GSE1: variants seen among roughly 807,000 people sequenced by gnomAD.
GSE1 encodes the protein Gse1 coiled-coil protein, also known as genetic suppressor element 1.
In GSE1, 32 loss-of-function variants were observed where a neutral mutation model predicts 112.6. That is an observed-to-expected ratio of 0.28 (90% CI 0.21 to 0.38). The LOEUF is 0.38. GSE1 is among the 10% of genes least tolerant of loss of function. GSE1 has a pLI of 1.00. For synonymous variants in GSE1, 1,115 were observed against 735.6 expected (o/e 1.52, Z -8.35); for missense variants, 2,348 against 1,699.2 (o/e 1.38, Z -6.71).
At chr16:85,501,027 A>G (rs1597973047) in intron 2 of GSE1, among the ~76,000 whole-genome samples, 1 of 67,538 alleles carries the variant, frequency 1.5e-5, no homozygotes, top group Non-Finnish European at 2.5e-5. Context: ...TTTTTTTGAG[A>G]CGGAGTCTCA....
chr16:85,647,799 A>C (rs183751562), intron 2 of GSE1, among the ~76,000 whole-genome samples: 140 of 152,170 alleles, frequency 9.2e-4, no homozygotes, highest in African/African-American at 3.0e-3. Context: ...GTTGGCCAGG[A>C]TGGTCTCGAA....
Position 85,671,059 on chromosome 16 carries a change from C to T in GSE1, c.3480C>T (p.Ser1160=). 6.2e-7 allele frequency: 1 copy of T among 1,611,856 alleles called. No individual in the cohort carries two copies. Among genetic ancestry groups the T allele is most frequent in the East Asian group, 2.2e-5 (1 of 44,858 alleles). Residue 1160 remains serine (S), a synonymous_variant, in exon 15 of 16, where the codon AGC becomes AGT. Coordinates refer to ENST00000253458, the MANE Select transcript of GSE1 (RefSeq NM_014615.5). ...GACGACTGGAGGCCCGGCACTACAG[C>T]CTCAGCCTGACGGCAGAGCAGCTCT... is the stretch of plus-strand genomic sequence containing the variant. ...QCRRLEARHY[S]LSLTAEQLSH...
At chr16:85,383,155 C>T (rs888901925) in intron 2 of GSE1, among the ~76,000 whole-genome samples, 6 of 151,906 alleles carry the variant, frequency 3.9e-5, no homozygotes, top group African/African-American at 1.2e-4. Flanking sequence ...CCCATATATA[C>T]AGTAGACACC....
chr16:85,536,743 C>CT (rs1178309673), intron 2 of GSE1, among the ~76,000 whole-genome samples: 2 of 152,194 alleles, frequency 1.3e-5, no homozygotes, highest in East Asian at 1.9e-4. Context: ...GTTCCCGTCT[C>CT]TGAGGGGTGA....
At chr16:85,174,534 TC>T (rs2074422261) in intron 1 of GSE1, among the ~76,000 whole-genome samples, 1 of 152,194 alleles carries the variant, frequency 6.6e-6, no homozygotes, top group African/African-American at 2.4e-5. Context: ...TCCCTCCCCC[TC>T]CTTCCCATTC....
At chr16:85,455,798 G>T (rs1355363244) in intron 2 of GSE1, among the ~76,000 whole-genome samples, 1 of 152,216 alleles carries the variant, frequency 6.6e-6, no homozygotes, top group Non-Finnish European at 1.5e-5. Context: ...GCAGCTGTCT[G>T]GGGGTGAAAG....
rs917046765 is a variant in GSE1 at position 85,673,560 on chromosome 16, TAAAG to T, written c.*1024_*1027del. On this transcript the variant is annotated 3_prime_UTR_variant, in exon 16 of 16. Transcript: ENST00000253458. Reference sequence around the variant, plus strand: ...AAAATATTGAAGTGTTTTTAAAAATTAAAGAAGAAGAAAAGTAAAAGAGCTTACC... The same window carrying T: ...AAAATATTGAAGTGTTTTTAAAAATTAAGAAGAAAAGTAAAAGAGCTTACC... 7.9e-5 allele frequency: 12 copies of T among 152,262 alleles called. No individual in the cohort carries two copies. Among genetic ancestry groups the T allele is most frequent in the African/African-American group, 2.4e-4 (10 of 41,392 alleles). The allele number at this position is 152,262 out of a possible 1,614,324, so 9.4% of individuals were successfully genotyped here.
chr16:85,499,338 T>C lies in GSE1; in HGVS notation c.2465-134576T>C, dbSNP rs1294638228. On this transcript the variant is annotated intron_variant, in intron 2 of 2. Coordinates refer to the GSE1 transcript ENST00000637419. Reference sequence around the variant, plus strand: ...TTTTTTTTTTTTTTTTGAGACAGAGTCTCACTCAGTCGCCTAGGCCGGAGT... The same window carrying C: ...TTTTTTTTTTTTTTTTGAGACAGAGCCTCACTCAGTCGCCTAGGCCGGAGT... Among the ~76,000 whole-genome samples the C allele has an allele frequency of 6.8e-5, 8 of 118,016 alleles. No individual in the cohort carries two copies. The Admixed American group carries it at 7.5e-4, about 11-fold the overall frequency. 77.4% of individuals were successfully genotyped at this position (118,016 alleles called of 152,430 possible).
At chr16:85,624,712 G>A (rs1025634934) in intron 1 of GSE1, among the ~76,000 whole-genome samples, 4 of 152,200 alleles carry the variant, frequency 2.6e-5, no homozygotes, top group African/African-American at 9.6e-5. Flanking sequence ...GGCTGGGAGT[G>A]AGCATCCCAC....
chr16:85,234,829 C>T (rs1904425550), intron 1 of GSE1, among the ~76,000 whole-genome samples: 1 of 151,996 alleles, frequency 6.6e-6, no homozygotes, highest in Non-Finnish European at 1.5e-5. Flanking sequence ...GAGCCGCGGC[C>T]GCCAGCGAAT....
intron 1 of GSE1, among the ~76,000 whole-genome samples, chr16:85,193,078 C>T (rs1483949741): frequency 2.0e-5 from 3 of 152,124 alleles, no homozygotes; most frequent in Non-Finnish European, 4.4e-5. Flanking sequence ...CCATAGGGAG[C>T]CCTCTGGTTA....
chr16:85,262,237 G>T (rs913906997), intron 1 of GSE1, among the ~76,000 whole-genome samples: 1 of 152,236 alleles, frequency 6.6e-6, no homozygotes, highest in Non-Finnish European at 1.5e-5. Flanking sequence ...GAGAGTGTCA[G>T]AGGCAATCTG....
chr16:85,273,015 A>G (rs1282997417), intron 1 of GSE1, among the ~76,000 whole-genome samples: 1 of 152,154 alleles, frequency 6.6e-6, no homozygotes, highest in African/African-American at 2.4e-5. Flanking sequence ...ACCTCAGGTG[A>G]TCTGCCCGCC....
At chr16:85,324,636 T>G (rs1216188673) in intron 1 of GSE1, among the ~76,000 whole-genome samples, 1 of 152,108 alleles carries the variant, frequency 6.6e-6, no homozygotes, top group Non-Finnish European at 1.5e-5. Flanking sequence ...TGTCAGTTGA[T>G]GAGCGGATAA....
intron 2 of GSE1, among the ~76,000 whole-genome samples, chr16:85,492,096 C>T (rs988020285): frequency 3.9e-5 from 6 of 152,204 alleles, no homozygotes; most frequent in African/African-American, 1.4e-4. Context: ...GCCCGCCCCT[C>T]CGAGGCAGCG....
intron 1 of GSE1, among the ~76,000 whole-genome samples, chr16:85,178,742 G>C (rs931400541): frequency 6.6e-6 from 1 of 151,950 alleles, no homozygotes. Flanking sequence ...ACCAGGCAGG[G>C]TCTTGGGGGC....
At chr16:85,555,150 C>G, upstream of GSE1, 2 of 985,426 alleles carry the variant, frequency 2.0e-6, no homozygotes, top group Non-Finnish European at 2.4e-6. Flanking sequence ...GCGCCCCTAC[C>G]CTTTCGCTTT....
intron 1 of GSE1, among the ~76,000 whole-genome samples, chr16:85,291,959 C>T (rs1252514612): frequency 6.6e-6 from 1 of 152,202 alleles, no homozygotes; most frequent in African/African-American, 2.4e-5. Flanking sequence ...CAGCCCTGCC[C>T]TTGACCCTGG....
chr16:85,590,491 G>A (rs190059536), intron 1 of GSE1, among the ~76,000 whole-genome samples: 4 of 151,688 alleles, frequency 2.6e-5, no homozygotes, highest in South Asian at 4.2e-4. Context: ...ATGTGTGAAC[G>A]CATGGGCCTG....
Sources: gnomAD v4.1 joint callset for allele counts (sites outside exome capture counted in the v4.1 genomes callset) on GRCh38, gnomAD v4.1.1 for gene constraint, MANE v1.5 for transcripts, NCBI Gene and HGNC (gene_info 2026-07-23, HGNC 2026-07-21) for gene names.